The following PARD3 variants were observed in gnomAD, a reference collection of about 807,000 sequenced individuals.
PARD3 encodes par-3 family cell polarity regulator, also known as partitioning defective 3 homolog.
PARD3 carries 75 observed loss-of-function variants against 155.4 expected under a neutral mutation model. That is an observed-to-expected ratio of 0.48 (90% CI 0.40 to 0.58). PARD3 has a LOEUF of 0.58. Among genes scored for constraint, PARD3 ranks in the 20% least tolerant of loss-of-function variants. PARD3 has a pLI of 0.00. For synonymous variants in PARD3, 576 were observed against 610.5 expected (o/e 0.94, Z 0.83); for missense variants, 1,642 against 1,721.7 (o/e 0.95, Z 0.82).
At chr10:34,213,523 T>G (rs1951853984) in intron 22 of PARD3, among the ~76,000 whole-genome samples, 1 of 152,198 alleles carries the variant, frequency 6.6e-6, no homozygotes, top group Non-Finnish European at 1.5e-5. Flanking sequence ...TTCTCACTTC[T>G]TACATTCCAC....
intron 7 of PARD3, among the ~76,000 whole-genome samples, chr10:34,387,912 T>TG (rs1445640770): frequency 1.3e-5 from 2 of 152,220 alleles, no homozygotes; most frequent in African/African-American, 4.8e-5. Flanking sequence ...AATGGCCAAA[T>TG]GCATTAGCAA....
intron 14 of PARD3, among the ~76,000 whole-genome samples, chr10:34,352,988 C>T (rs1284640751): frequency 3.9e-5 from 5 of 128,588 alleles, no homozygotes; most frequent in African/African-American, 1.3e-4. Flanking sequence ...GTGTCTCTGC[C>T]GGACCGCCAC....
At position 34,815,112 on chromosome 10, in the gene PARD3, C is replaced by T. The variant is rs1266864001; in HGVS notation, c.-117G>A. On this transcript the variant is annotated 5_prime_UTR_variant, in exon 1 of 25. It removes the in-frame stop codon of an upstream open reading frame in the 5' UTR. Transcript: ENST00000374788. The stretch of plus-strand genomic sequence containing the variant: ...GCTGGGGACTCGGGCGCGCGGGCGG[C>T]TAGGGGCGCGGGCAGGCGGCGGCGA... The T allele has an allele frequency of 9.1e-4, 477 of 522,808 alleles. No homozygotes were observed. The highest frequency in any genetic ancestry group is 1.1e-3 in the Non-Finnish European group (447 of 399,686). 32.4% of individuals were successfully genotyped at this position (522,808 alleles called of 1,614,324 possible).
intron 2 of PARD3, among the ~76,000 whole-genome samples, chr10:34,533,217 A>G (rs1169048094): frequency 1.3e-5 from 2 of 152,194 alleles, no homozygotes; most frequent in Admixed American, 6.5e-5. Context: ...AAAAGTAAAC[A>G]ATGTTTTAAG....
chr10:34,318,587 G>T (rs968187983), intron 19 of PARD3, among the ~76,000 whole-genome samples: 3 of 151,890 alleles, frequency 2.0e-5, no homozygotes, highest in Admixed American at 2.0e-4. Flanking sequence ...AATTATCGTG[G>T]GTATAATAAG....
chr10:34,584,625 T>C (rs962154505), intron 2 of PARD3, among the ~76,000 whole-genome samples: 9 of 152,152 alleles, frequency 5.9e-5, no homozygotes, highest in African/African-American at 1.4e-4. Flanking sequence ...CCTGACTCAA[T>C]CAATTTTTAA....
intron 5 of PARD3, among the ~76,000 whole-genome samples, chr10:34,403,005 A>C (rs1240949050): frequency 6.6e-6 from 1 of 152,192 alleles, no homozygotes; most frequent in Non-Finnish European, 1.5e-5. Context: ...CTTATTAGCC[A>C]GATTAGAACA....
At chr10:34,759,069 T>C (rs1837095589) in intron 1 of PARD3, among the ~76,000 whole-genome samples, 1 of 151,668 alleles carries the variant, frequency 6.6e-6, no homozygotes, top group Non-Finnish European at 1.5e-5. Flanking sequence ...GAAGACAAAA[T>C]TAAATGGCTT....
At chr10:34,666,159 G>T (rs757067745) in intron 2 of PARD3, among the ~76,000 whole-genome samples, 2 of 150,536 alleles carry the variant, frequency 1.3e-5, no homozygotes, top group Non-Finnish European at 2.9e-5. Flanking sequence ...CCAGGAAGCT[G>T]CAGTAAGCCA....
chr10:34,681,667 T>C (rs1410108391), intron 2 of PARD3, among the ~76,000 whole-genome samples: 2 of 141,976 alleles, frequency 1.4e-5, no homozygotes, highest in Admixed American at 1.4e-4. Context: ...ATACATGTTA[T>C]ATATAATATA....
At chr10:34,510,630 G>A (rs1211621545) in intron 3 of PARD3, among the ~76,000 whole-genome samples, 1 of 152,064 alleles carries the variant, frequency 6.6e-6, no homozygotes, top group Non-Finnish European at 1.5e-5. Flanking sequence ...AAAGTTCAAA[G>A]AGAAAAGTAA....
chr10:34,431,820 C>T (rs147204360), intron 5 of PARD3, among the ~76,000 whole-genome samples: 9,488 of 143,222 alleles, frequency 0.066, 444 homozygotes, highest in Non-Finnish European at 0.095. Context: ...GAGGCCGAGG[C>T]GGGTGGATCA....
At chr10:34,752,428 G>A (rs1046332428) in intron 1 of PARD3, among the ~76,000 whole-genome samples, 11 of 152,014 alleles carry the variant, frequency 7.2e-5, no homozygotes, top group African/African-American at 2.7e-4. Flanking sequence ...TTGGCATTAT[G>A]CACTGACTAC....
intron 3 of PARD3, among the ~76,000 whole-genome samples, chr10:34,510,083 T>C (rs1221671566): frequency 6.6e-6 from 1 of 152,230 alleles, no homozygotes; most frequent in African/African-American, 2.4e-5. Context: ...TGGAGGGAAT[T>C]AGAAGAATTG....
chr10:34,687,108 A>T (rs922799613), intron 2 of PARD3, among the ~76,000 whole-genome samples: 4 of 152,166 alleles, frequency 2.6e-5, no homozygotes, highest in Non-Finnish European at 5.9e-5. Context: ...AACTTTTTAC[A>T]TTAAAGCATG....
intron 1 of PARD3, among the ~76,000 whole-genome samples, chr10:34,700,440 G>C (rs2094253603): frequency 6.6e-6 from 1 of 152,218 alleles, no homozygotes; most frequent in African/African-American, 2.4e-5. Flanking sequence ...ATAATGCATA[G>C]GCTCCGCATA....
In PARD3 at chr10:34,348,059, A is replaced by C; in HGVS notation, c.2124T>G (p.Asp708Glu). The change falls in exon 15 of 25, where the codon GAT (aspartate) becomes GAG (glutamate). Residue 708 changes from aspartate to glutamate, a missense_variant. This residue lies in a region of PARD3 where 1,529 missense variants were observed against 1,587.3 expected (regional missense o/e 0.96). Coordinates refer to ENST00000374788, the MANE Select transcript of PARD3 (RefSeq NM_001184785.2). ...GPELPIETAL[D>E]DRERRISHSL... ...AATGGGAAATTCTTCGTTCTCTATCATCCAACGCTGTTTCAATGGGCAGCT... is the reference window on the plus strand; with the variant it reads ...AATGGGAAATTCTTCGTTCTCTATCCTCCAACGCTGTTTCAATGGGCAGCT... The C allele has an allele frequency of 6.2e-7, 1 of 1,613,006 alleles. No homozygotes were observed. Among genetic ancestry groups the C allele is most frequent in the Admixed American group, 1.7e-5 (1 of 59,882 alleles).
intron 3 of PARD3, among the ~76,000 whole-genome samples, chr10:34,500,132 C>T (rs1181100388): frequency 2.6e-5 from 4 of 152,180 alleles, no homozygotes; most frequent in African/African-American, 9.7e-5. Context: ...GCATCAAACC[C>T]GTGCTACACA....
At chr10:34,249,553 C>T (rs549001571) in intron 22 of PARD3, among the ~76,000 whole-genome samples, 13 of 152,170 alleles carry the variant, frequency 8.5e-5, no homozygotes, top group South Asian at 2.1e-4. Context: ...AATTCCAGTC[C>T]GTGCTGGGTA....
Sources: gnomAD v4.1 joint callset for allele counts (sites outside exome capture counted in the v4.1 genomes callset) on GRCh38, gnomAD v4.1.1 for gene constraint, gnomAD v4.1.1 regional missense constraint, MANE v1.5 for transcripts, NCBI Gene and HGNC (gene_info 2026-07-23, HGNC 2026-07-21) for gene names.